UBR3: variants seen among roughly 807,000 people sequenced by gnomAD.
UBR3 encodes the protein ubiquitin protein ligase E3 component n-recognin 3.
UBR3 carries 85 observed loss-of-function variants against 243.2 expected under a neutral mutation model. The ratio of observed to expected loss-of-function variants is 0.35; its 90% confidence interval spans 0.29 to 0.42. UBR3 has a LOEUF of 0.42. Among genes scored for constraint, UBR3 ranks in the 10% least tolerant of loss-of-function variants. UBR3 has a pLI of 1.00. For missense variants in UBR3, 1,686 were observed against 2,300.8 expected, an observed-to-expected ratio of 0.73 and a Z score of 5.47; for synonymous variants, 748 against 799.8, an observed-to-expected ratio of 0.94 and a Z score of 1.09.
chr2:170,039,478 G>C (rs1415861705), intron 31 of UBR3, among the ~76,000 whole-genome samples: 5 of 152,078 alleles, frequency 3.3e-5, no homozygotes, highest in African/African-American at 4.8e-5. Context: ...GTTATCCTTG[G>C]AGAGGAAAAC....
intron 5 of UBR3, among the ~76,000 whole-genome samples, chr2:169,881,289 C>G (rs2083811987): frequency 2.0e-5 from 3 of 151,796 alleles, no homozygotes; most frequent in Non-Finnish European, 4.4e-5. Context: ...AAGCGATTCT[C>G]CTGCCTCAGC....
intron 31 of UBR3, among the ~76,000 whole-genome samples, chr2:170,036,455 A>G (rs1026197539): frequency 6.6e-6 from 1 of 151,946 alleles, no homozygotes. Flanking sequence ...GGCTATTTTT[A>G]TCTTATCAGC....
chr2:169,853,819 A>C lies in UBR3; in HGVS notation c.546-18417A>C, dbSNP rs577518488. Reference sequence around the variant, plus strand: ...TTTTTGTTTTTTTAAATCTGCATGCATTTGTGTTTGTTGTTTATATGTGCA... The same window carrying C: ...TTTTTGTTTTTTTAAATCTGCATGCCTTTGTGTTTGTTGTTTATATGTGCA... On this transcript the variant is annotated intron_variant, in intron 1 of 38. Coordinates refer to ENST00000272793, the MANE Select transcript of UBR3 (RefSeq NM_172070.4). Among the ~76,000 whole-genome samples the C allele has an allele frequency of 4.0e-5, 6 of 151,090 alleles. No individual in the cohort carries two copies. The South Asian group carries it at 1.3e-3, about 32-fold the overall frequency.
chr2:169,830,256 C>A (rs2081891238), intron 1 of UBR3, among the ~76,000 whole-genome samples: 1 of 152,088 alleles, frequency 6.6e-6, no homozygotes, highest in Non-Finnish European at 1.5e-5. Context: ...TCAAGAGAGT[C>A]AGTGGGATAA....
chr2:169,931,585 A>G (rs1387842650), intron 18 of UBR3, among the ~76,000 whole-genome samples: 1 of 152,096 alleles, frequency 6.6e-6, no homozygotes, highest in Non-Finnish European at 1.5e-5. Context: ...ATGTTTTCAA[A>G]TGTTAAGAAT....
At chr2:170,052,652 G>C (rs977068036) in intron 32 of UBR3, among the ~76,000 whole-genome samples, 2 of 152,210 alleles carry the variant, frequency 1.3e-5, no homozygotes, top group Non-Finnish European at 2.9e-5. Context: ...AGTCAAAATA[G>C]AGAGTAGGAG....
intron 33 of UBR3, among the ~76,000 whole-genome samples, chr2:170,056,003 C>CTTTTTTTTTTTT (rs34415442): frequency 3.4e-5 from 3 of 88,914 alleles, no homozygotes; most frequent in Non-Finnish European, 4.4e-5. Context: ...TCTTTTCTTT[C>CTTTTTTTTTTTT]TTTTTTTTTT....
At chr2:169,869,740 G>C (rs949264532) in intron 1 of UBR3, among the ~76,000 whole-genome samples, 12 of 151,802 alleles carry the variant, frequency 7.9e-5, no homozygotes, top group Admixed American at 7.9e-4. Context: ...TTCATTTTTT[G>C]TTTTAATAAA....
intron 24 of UBR3, among the ~76,000 whole-genome samples, chr2:169,983,252 C>CTTTTTTTTTTTTTT (rs72194627): frequency 8.3e-5 from 6 of 71,986 alleles, no homozygotes; most frequent in African/African-American, 3.5e-4. Context: ...ATTCTCTCTC[C>CTTTTTTTTTTTTTT]TTTTTTTTTT....
intron 30 of UBR3, among the ~76,000 whole-genome samples, chr2:170,016,319 G>A (rs904960243): frequency 1.3e-5 from 2 of 151,766 alleles, no homozygotes; most frequent in Non-Finnish European, 3.0e-5. Context: ...ATAAATTGCA[G>A]TAGAATTTGA....
At chr2:169,855,554 T>G (rs2082810737) in intron 1 of UBR3, among the ~76,000 whole-genome samples, 1 of 152,018 alleles carries the variant, frequency 6.6e-6, no homozygotes, top group Non-Finnish European at 1.5e-5. Flanking sequence ...TGATGACTCT[T>G]AACGAGCATG....
rs535386059 is a variant in UBR3, at chr2:169,971,145, G to A, written c.3634+12619G>A. ...CTTCTTTTGAGAAGTGTCTGTTCAC[G>A]TCCTTCGCCCACTTTTTGATGGGGT... On this transcript the variant is annotated intron_variant, in intron 24 of 38. Coordinates refer to ENST00000272793, the MANE Select transcript of UBR3 (RefSeq NM_172070.4). Among the ~76,000 whole-genome samples the A allele has an allele frequency of 2.9e-3, 448 of 151,990 alleles. 3 individuals carry two copies. Among genetic ancestry groups the A allele is most frequent in the African/African-American group, 0.01 (423 of 41,444 alleles).
chr2:169,880,382 C>G (rs2083775865), intron 5 of UBR3, among the ~76,000 whole-genome samples: 1 of 152,150 alleles, frequency 6.6e-6, no homozygotes, highest in Admixed American at 6.5e-5. Context: ...GCTAACAATT[C>G]TACTTTATTT....
chr2:169,932,619 C>T (rs1042843764), intron 18 of UBR3, among the ~76,000 whole-genome samples: 1 of 152,066 alleles, frequency 6.6e-6, no homozygotes, highest in Non-Finnish European at 1.5e-5. Flanking sequence ...TAATTGGCAC[C>T]TTACAAACAA....
intron 11 of UBR3, among the ~76,000 whole-genome samples, chr2:169,917,323 C>T (rs1045855499): frequency 3.9e-5 from 6 of 152,224 alleles, no homozygotes; most frequent in African/African-American, 1.4e-4. Flanking sequence ...CCTCCTTCTT[C>T]ACCCTGTCCA....
chr2:169,989,703 G>A (rs1415678271), intron 25 of UBR3, among the ~76,000 whole-genome samples: 2 of 152,098 alleles, frequency 1.3e-5, no homozygotes, highest in Non-Finnish European at 2.9e-5. Context: ...TTTATTTACA[G>A]GTGCTCAAAA....
At chr2:169,936,348 C>T (rs1200801664) in intron 19 of UBR3, among the ~76,000 whole-genome samples, 14 of 152,066 alleles carry the variant, frequency 9.2e-5, no homozygotes, top group Non-Finnish European at 1.8e-4. Flanking sequence ...CGTGAACCAC[C>T]GTGCCTGGCC....
intron 11 of UBR3, among the ~76,000 whole-genome samples, chr2:169,920,237 G>A (rs915781817): frequency 1.3e-5 from 2 of 152,106 alleles, no homozygotes; most frequent in African/African-American, 2.4e-5. Context: ...AACACCGCAT[G>A]TTCTCACTCA....
chr2:170,029,420 C>A lies in UBR3; in HGVS notation c.4528C>A (p.Leu1510Ile), dbSNP rs77587723. 46,242 of 1,610,314 alleles carry A rather than the reference C, an allele frequency of 0.029. 1,022 individuals are homozygous for A. The highest frequency in any genetic ancestry group is 0.11 in the East Asian group (4,978 of 44,592). ...CTCTGAGTATAATCCCTGGAGAAAG[C>A]TCACCCAGTTAGAAGAGATGAATCC... ...IDSEYNPWRK[L>I]TQLEEMNPQL... Residue 1510 changes from leucine (L) to isoleucine (I), a missense_variant, in exon 31 of 39, where the codon CTC (leucine) becomes ATC (isoleucine). Leu to Ile is a conservative substitution (Grantham distance 5). Around this residue, in one of 8 missense-constraint regions of UBR3, gnomAD observed 371 missense variants for 422.5 expected, o/e 0.88. Transcript: ENST00000272793.
Sources: allele counts gnomAD v4.1 joint callset (sites outside exome capture counted in the v4.1 genomes callset), GRCh38; gene constraint gnomAD v4.1.1; regional missense constraint gnomAD v4.1.1; transcripts MANE v1.5; gene names NCBI Gene and HGNC (gene_info 2026-07-23, HGNC 2026-07-21).